CDC34: variants seen among roughly 807,000 people sequenced by gnomAD.
CDC34 encodes the protein ubiquitin-conjugating enzyme E2 R1.
In CDC34, 18 loss-of-function variants were observed where a neutral mutation model predicts 26.8. The ratio of observed to expected loss-of-function variants is 0.67; its 90% CI spans 0.47 to 1.00. The LOEUF (loss-of-function observed/expected upper bound fraction) is 1.00, where lower values mean the gene tolerates loss of function less well. Ranked by LOEUF, CDC34 falls within the 50% of genes least tolerant of loss-of-function variation. The pLI, the probability that CDC34 is intolerant of heterozygous loss-of-function variation, is 0.00. For missense variants in CDC34, 280 were observed against 334.5 expected (o/e 0.84, Z 1.27); for synonymous variants, 178 against 147.5 (o/e 1.21, Z -1.50).
intron 3 of CDC34, 154 bp downstream of exon 3, chr19:536,494 G>A (rs533744115): frequency 8.0e-6 from 5 of 623,762 alleles, no homozygotes; most frequent in African/African-American, 5.5e-5. Context: ...CCTGGGCCTC[G>A]CTGTACCTGC....
At chr19:536,544 G>A (rs191879677) in intron 3 of CDC34, 26 of 589,252 alleles carry the variant, frequency 4.4e-5, no homozygotes, top group Non-Finnish European at 7.6e-5. Context: ...ACCGTGTGTC[G>A]GTGCAGACTC....
At chr19:536,908 C>T (rs1293805481) in intron 3 of CDC34, 105 bp from the exon 4 acceptor site, 3 of 1,334,416 alleles carry the variant, frequency 2.2e-6, no homozygotes, top group Admixed American at 1.8e-5. Flanking sequence ...AGGTGAAGGT[C>T]ACCTGCTGGG....
Position 536,240 on chromosome 19 carries a change from C to T in CDC34, c.265-3C>T, listed in dbSNP as rs1979743969. On this transcript the variant is annotated splice_polypyrimidine_tract_variant and splice_region_variant and intron_variant, in intron 2 of 4. Transcript: ENST00000215574. Reference sequence around the variant, plus strand: ...TGTTCTGACCTGTCTTCTTCTTGTGCAGACGGGGGACGTGTGTATCTCCAT... The same window carrying T: ...TGTTCTGACCTGTCTTCTTCTTGTGTAGACGGGGGACGTGTGTATCTCCAT... 4 of 1,601,604 alleles carry T rather than the reference C, an allele frequency of 2.5e-6. No individual in the cohort carries two copies. Among genetic ancestry groups the T allele is most frequent in the South Asian group, 1.1e-5 (1 of 89,428 alleles).
chr19:539,866 G>A (rs1326333158), intron 4 of CDC34, among the ~76,000 whole-genome samples: 1 of 152,316 alleles, frequency 6.6e-6, no homozygotes, highest in East Asian at 1.9e-4. Flanking sequence ...AGGTCCTGGT[G>A]TGCGCGGTGC....
At chr19:533,074 A>T (rs1056549904) in intron 1 of CDC34, among the ~76,000 whole-genome samples, 1 of 152,076 alleles carries the variant, frequency 6.6e-6, no homozygotes, top group South Asian at 2.1e-4. Context: ...TGTGAAAAGG[A>T]CTCAGGCCAA....
chr19:534,957 G>A (rs1054380440), intron 1 of CDC34, among the ~76,000 whole-genome samples: 1 of 152,030 alleles, frequency 6.6e-6, no homozygotes, highest in Non-Finnish European at 1.5e-5. Flanking sequence ...TGCTGCTCTC[G>A]TGCCTTGGAG....
chr19:539,787 T>G (rs1001201894), intron 4 of CDC34, among the ~76,000 whole-genome samples: 3 of 152,184 alleles, frequency 2.0e-5, no homozygotes, highest in African/African-American at 7.2e-5. Context: ...GGAAGCCCCT[T>G]TGCTTCCAGT....
At position 535,827 on chromosome 19, in the gene CDC34, GC is replaced by G. The variant is rs1568330070; in HGVS notation, c.178-6del. On this transcript the variant is annotated splice_polypyrimidine_tract_variant and intron_variant, in intron 1 of 4. Transcript: ENST00000215574. ...GGCTGGACTGAGCCACCTGCCTTCT[GC>G]CCCTGCAGGCGCGCCTCAAGTTCCC... The G allele has an allele frequency of 6.2e-7, 1 of 1,611,796 alleles. No individual in the cohort carries two copies. Among genetic ancestry groups the G allele is most frequent in the South Asian group, 1.1e-5 (1 of 91,060 alleles).
At position 537,118 on chromosome 19, in the gene CDC34, G is replaced by A; in HGVS notation, c.468G>A (p.Gly156=). Reference sequence around the variant, plus strand: ...ACAGGAAGTGGAAAGAGAGCAAGGGGAAGGATCGGGAGTACACAGACATCA... The same window carrying A: ...ACAGGAAGTGGAAAGAGAGCAAGGGAAAGGATCGGGAGTACACAGACATCA... ...VMYRKWKESK[G]KDREYTDIIR... is the part of the protein sequence containing the mutation. Residue 156 remains glycine, a synonymous_variant, in exon 4 of 5, where the codon GGG becomes GGA. Coordinates refer to ENST00000215574, the MANE Select transcript of CDC34 (RefSeq NM_004359.2). The A allele has an allele frequency of 1.9e-6, 3 of 1,613,722 alleles. No homozygotes were observed. The highest frequency in any genetic ancestry group is 2.5e-6 in the Non-Finnish European group (3 of 1,179,972).
At position 541,514 on chromosome 19, in the gene CDC34, G is replaced by A. The variant is rs568742634; in HGVS notation, c.673G>A (p.Gly225Arg). 5.0e-6 allele frequency: 8 copies of A among 1,607,452 alleles called. No homozygotes were observed. The highest frequency in any genetic ancestry group is 2.2e-5 in the East Asian group (1 of 44,758). ...EVEEEADSCF[G>R]DDEDDSGTEE... ...GGAGGAGGAGGCCGACAGCTGCTTC[G>A]GGGACGATGAGGATGACTCTGGCAC... The change falls in exon 5 of 5, where the codon GGG becomes AGG. Residue 225 changes from glycine to arginine, a missense_variant. Physicochemically the swap from Gly to Arg is moderately radical, Grantham distance 125 (BLOSUM62 -2). Coordinates refer to ENST00000215574, the MANE Select transcript of CDC34 (RefSeq NM_004359.2).
intron 1 of CDC34, 74 bp downstream of exon 1, chr19:532,182 C>G: frequency 1.6e-6 from 2 of 1,259,974 alleles, no homozygotes; most frequent in Non-Finnish European, 2.1e-6. Flanking sequence ...GCTCCCTGCC[C>G]CGCGGTCCTA....
chr19:536,229 T>G lies in CDC34; in HGVS notation c.265-14T>G, dbSNP rs554591668. ...GACCTCTGACCTGTTCTGACCTGTC[T>G]TCTTCTTGTGCAGACGGGGGACGTG... is the stretch of plus-strand genomic sequence containing the variant. On this transcript the variant is annotated splice_polypyrimidine_tract_variant and intron_variant, in intron 2 of 4. Transcript: ENST00000215574. The G allele has an allele frequency of 1.1e-5, 17 of 1,597,256 alleles. No individual in the cohort carries two copies. Among genetic ancestry groups the G allele is most frequent in the Middle Eastern group, 1.7e-4 (1 of 6,044 alleles).
intron 1 of CDC34, among the ~76,000 whole-genome samples, chr19:533,599 C>G (rs1979596610): frequency 6.6e-6 from 1 of 152,226 alleles, no homozygotes; most frequent in Admixed American, 6.5e-5. Context: ...GCCGCAGCCC[C>G]ACCTCGAAGC....
chr19:533,370 A>C (rs1979586323), intron 1 of CDC34, among the ~76,000 whole-genome samples: 1 of 152,158 alleles, frequency 6.6e-6, no homozygotes. Context: ...TCTCCGAGCT[A>C]ATTAGTGTCT....
chr19:532,789 G>T (rs562765177), intron 1 of CDC34, among the ~76,000 whole-genome samples: 1 of 152,172 alleles, frequency 6.6e-6, no homozygotes. Flanking sequence ...CTGCGCCCTC[G>T]GGAAGGCCGA....
Position 540,805 on chromosome 19 carries a change from G to GGAGGCCGGGGTGGCCAGGCCCCCCAC in CDC34, c.498-533_498-532insAGGCCGGGGTGGCCAGGCCCCCCACG, listed in dbSNP as rs1979976353. Among the ~76,000 whole-genome samples the GGAGGCCGGGGTGGCCAGGCCCCCCAC allele has an allele frequency of 9.7e-4, 14 of 14,368 alleles. 5 individuals are homozygous for GGAGGCCGGGGTGGCCAGGCCCCCCAC. Among genetic ancestry groups the GGAGGCCGGGGTGGCCAGGCCCCCCAC allele is most frequent in the Non-Finnish European group, 3.3e-3 (13 of 3,912 alleles). 9.4% of individuals were successfully genotyped at this position (14,368 alleles called of 152,430 possible). A position where few individuals can be genotyped will look rare whatever the true frequency, so the allele number is the denominator to read the frequency against. On this transcript the variant is annotated intron_variant, in intron 4 of 4. Transcript: ENST00000215574. ...AGAGGCTGGGATGGCCAGGCCCCCC[G>GGAGGCCGGGGTGGCCAGGCCCCCCAC]GTTTAGAATCCGGAGGCCGGGGTGG...
chr19:541,441 C>T lies in CDC34; in HGVS notation c.600C>T (p.Asp200=), dbSNP rs377177218. 3.0e-5 allele frequency: 49 copies of T among 1,612,770 alleles called. No homozygotes were observed. The highest frequency in any genetic ancestry group is 3.7e-5 in the Non-Finnish European group (44 of 1,179,972). ...TGAAGACCAAGGCGCCGGCGCCCGACGAGGGCTCAGACCTCTTCTACGACG... is the reference window on the plus strand; with the variant it reads ...TGAAGACCAAGGCGCCGGCGCCCGATGAGGGCTCAGACCTCTTCTACGACG... ...YCVKTKAPAP[D]EGSDLFYDDY... Residue 200 remains aspartate (D), a synonymous_variant, in exon 5 of 5, where the codon GAC becomes GAT. Transcript: ENST00000215574.
chr19:536,214 C>A, intron 2 of CDC34, 29 bp from the exon 3 acceptor site: 1 of 1,567,486 alleles, frequency 6.4e-7, no homozygotes, highest in Non-Finnish European at 8.7e-7. Context: ...GACCTCTGAC[C>A]TGTTCTGACC....
intron 4 of CDC34, among the ~76,000 whole-genome samples, chr19:538,131 T>C (rs1255641902): frequency 2.0e-5 from 3 of 151,682 alleles, no homozygotes; most frequent in African/African-American, 7.3e-5. Flanking sequence ...GACTGACTGT[T>C]AGGGAACATG....
Sources: gnomAD v4.1 joint callset for allele counts (sites outside exome capture counted in the v4.1 genomes callset) on GRCh38, gnomAD v4.1.1 for gene constraint, MANE v1.5 for transcripts, NCBI Gene and HGNC (gene_info 2026-07-23, HGNC 2026-07-21) for gene names.